The following TMEM178B variants were observed in gnomAD, a reference collection of about 807,000 sequenced individuals.
The protein encoded by TMEM178B is transmembrane protein 178B.
In TMEM178B, 5 loss-of-function variants were observed where a neutral mutation model predicts 31.0. The observed-to-expected ratio is 0.16, with a 90% CI of 0.08 to 0.34. The LOEUF is 0.34. Ranked by LOEUF, TMEM178B falls within the 10% of genes least tolerant of loss-of-function variation. The pLI is 1.00. For synonymous variants in TMEM178B, 164 were observed against 164.0 expected (o/e 1.00, Z 0.00); for missense variants, 275 against 400.3 (o/e 0.69, Z 2.67).
intron 2 of TMEM178B, among the ~76,000 whole-genome samples, chr7:141,419,339 C>G (rs962080569): frequency 3.3e-5 from 5 of 152,218 alleles, no homozygotes; most frequent in African/African-American, 9.6e-5. Context: ...ATATCATTTT[C>G]CCCATCATCC....
At chr7:141,483,476 A>G (rs1379288467), downstream of TMEM178B, among the ~76,000 whole-genome samples, 1 of 152,180 alleles carries the variant, frequency 6.6e-6, no homozygotes, top group East Asian at 1.9e-4. Flanking sequence ...GGGTGGAAAG[A>G]GCACAGTACT....
intron 2 of TMEM178B, among the ~76,000 whole-genome samples, chr7:141,306,620 TG>T (rs1303571433): frequency 2.0e-5 from 3 of 147,876 alleles, no homozygotes; most frequent in African/African-American, 7.6e-5. Flanking sequence ...TCTGAGAGTC[TG>T]TTTTTTTTTT....
intron 2 of TMEM178B, among the ~76,000 whole-genome samples, chr7:141,348,569 G>A (rs1799658294): frequency 1.3e-5 from 2 of 152,184 alleles, no homozygotes. Flanking sequence ...AGACTGTGAG[G>A]AAAATGTAGC....
At chr7:141,218,320 G>A (rs1414455974) in intron 2 of TMEM178B, among the ~76,000 whole-genome samples, 2 of 152,164 alleles carry the variant, frequency 1.3e-5, no homozygotes, top group African/African-American at 2.4e-5. Context: ...GAGGAGAAGA[G>A]GAGGGAGGGA....
At chr7:141,295,089 T>A (rs1798608867) in intron 2 of TMEM178B, among the ~76,000 whole-genome samples, 1 of 152,028 alleles carries the variant, frequency 6.6e-6, no homozygotes, top group Non-Finnish European at 1.5e-5. Flanking sequence ...TTTTGTGGGG[T>A]CTCCCATGGC....
At chr7:141,328,714 G>A (rs1473069776) in intron 2 of TMEM178B, among the ~76,000 whole-genome samples, 1 of 152,234 alleles carries the variant, frequency 6.6e-6, no homozygotes, top group Admixed American at 6.5e-5. Flanking sequence ...GGGCCAAGGA[G>A]GCTGGCCAGT....
chr7:141,316,683 T>G (rs1226435142), intron 2 of TMEM178B, among the ~76,000 whole-genome samples: 1 of 152,238 alleles, frequency 6.6e-6, no homozygotes, highest in Non-Finnish European at 1.5e-5. Context: ...ACAGGCACTA[T>G]TCCTGCTCCA....
At chr7:141,085,929 A>G (rs2129171558) in intron 1 of TMEM178B, among the ~76,000 whole-genome samples, 1 of 152,266 alleles carries the variant, frequency 6.6e-6, no homozygotes, top group South Asian at 2.1e-4. Flanking sequence ...TTGTGACGGT[A>G]TCACAAAATA....
intron 2 of TMEM178B, among the ~76,000 whole-genome samples, chr7:141,353,668 T>C (rs538623026): frequency 6.6e-6 from 1 of 152,348 alleles, no homozygotes; most frequent in East Asian, 1.9e-4. Context: ...CATTGCTCCT[T>C]TCCTATTAGG....
chr7:141,497,549 A>T, the TMEM178B span, among the ~76,000 whole-genome samples: 1 of 152,164 alleles, frequency 6.6e-6, no homozygotes, highest in Non-Finnish European at 1.5e-5. Context: ...TGGGCTTTGC[A>T]TGTCATCCTT....
chr7:141,366,136 A>T (rs1245044362), intron 2 of TMEM178B, among the ~76,000 whole-genome samples: 1 of 152,226 alleles, frequency 6.6e-6, no homozygotes, highest in Non-Finnish European at 1.5e-5. Context: ...ACTGCTGAGC[A>T]TGTGCGTTCC....
intron 3 of TMEM178B, among the ~76,000 whole-genome samples, chr7:141,457,917 G>A (rs990121464): frequency 4.6e-5 from 7 of 152,104 alleles, no homozygotes; most frequent in Admixed American, 1.3e-4. Flanking sequence ...CAGAAGAGTA[G>A]GTATGATTTT....
intron 1 of TMEM178B, among the ~76,000 whole-genome samples, chr7:141,177,193 C>A (rs1161695789): frequency 6.6e-6 from 1 of 152,136 alleles, no homozygotes; most frequent in African/African-American, 2.4e-5. Flanking sequence ...AACTTCATTT[C>A]TTTATTTACC....
intron 1 of TMEM178B, among the ~76,000 whole-genome samples, chr7:141,140,021 C>G (rs181624560): frequency 5.8e-4 from 89 of 152,312 alleles, no homozygotes; most frequent in African/African-American, 2.0e-3. Flanking sequence ...CCACCTCAGT[C>G]CCCCAGAGTG....
intron 2 of TMEM178B, among the ~76,000 whole-genome samples, chr7:141,217,018 G>A (rs1181171068): frequency 1.3e-5 from 2 of 152,122 alleles, no homozygotes; most frequent in East Asian, 3.9e-4. Flanking sequence ...GGCTGGTGCT[G>A]CTCCTGGGTG....
chr7:141,372,609 C>T (rs936446282), intron 2 of TMEM178B, among the ~76,000 whole-genome samples: 1 of 152,170 alleles, frequency 6.6e-6, no homozygotes, highest in Non-Finnish European at 1.5e-5. Context: ...ATAGAACCTC[C>T]CTCCTCATCT....
intron 1 of TMEM178B, among the ~76,000 whole-genome samples, chr7:141,130,709 A>G (rs542221567): frequency 6.6e-6 from 1 of 152,310 alleles, no homozygotes; most frequent in Non-Finnish European, 1.5e-5. Flanking sequence ...GAGGAGGGAA[A>G]TAATAATGAT....
chr7:141,441,266 G>C (rs1020592835), intron 3 of TMEM178B, among the ~76,000 whole-genome samples: 22 of 152,182 alleles, frequency 1.4e-4, no homozygotes, highest in African/African-American at 5.1e-4. Context: ...GTATGTCAGA[G>C]AGACATGTCA....
At chr7:141,448,132 C>T (rs534792856) in intron 3 of TMEM178B, among the ~76,000 whole-genome samples, 1 of 151,966 alleles carries the variant, frequency 6.6e-6, no homozygotes, top group East Asian at 1.9e-4. Flanking sequence ...AGCATGTGTG[C>T]CTCTTTCCTT....
Sources: gnomAD v4.1 joint callset for allele counts (sites outside exome capture counted in the v4.1 genomes callset) on GRCh38, gnomAD v4.1.1 for gene constraint, MANE v1.5 for transcripts, NCBI Gene and HGNC (gene_info 2026-07-23, HGNC 2026-07-21) for gene names.